PATJ: variants seen among roughly 807,000 people sequenced by gnomAD.
PATJ encodes PATJ crumbs cell polarity complex component, also known as inaD-like protein.
A neutral mutation model predicts 224.9 loss-of-function variants in PATJ; 190 were observed. The observed-to-expected ratio is 0.84, with a 90% CI of 0.75 to 0.95. PATJ has a LOEUF of 0.95. Ranked by LOEUF, PATJ falls within the 40% of genes least tolerant of loss-of-function variation. PATJ has a pLI of 0.00. For synonymous variants in PATJ, 769 were observed against 820.3 expected, an observed-to-expected ratio of 0.94 and a Z score of 1.07; for missense variants, 2,121 against 2,270.3, an observed-to-expected ratio of 0.93 and a Z score of 1.34.
chr1:62,160,039 A>T (rs1292489492), intron 43 of PATJ, among the ~76,000 whole-genome samples: 2 of 152,038 alleles, frequency 1.3e-5, no homozygotes, highest in African/African-American at 4.8e-5. Context: ...TTGGTTGCCC[A>T]CTGAAGTTTG....
intron 41 of PATJ, among the ~76,000 whole-genome samples, chr1:62,141,454 C>G (rs1202288352): frequency 6.6e-6 from 1 of 152,150 alleles, no homozygotes; most frequent in Non-Finnish European, 1.5e-5. Context: ...ATGGCCAGAT[C>G]ACTTGAGGCC....
intron 27 of PATJ, chr1:61,952,548 G>A: frequency 1.5e-6 from 1 of 662,676 alleles, no homozygotes; most frequent in Non-Finnish European, 2.9e-6. Context: ...AAGAGAGCGA[G>A]GGCACATATG....
chr1:62,051,358 G>A (rs1387588458), intron 31 of PATJ, among the ~76,000 whole-genome samples: 1 of 152,118 alleles, frequency 6.6e-6, no homozygotes, highest in African/African-American at 2.4e-5. Context: ...CGCCCAGGCT[G>A]GAGCGCAGTG....
intron 28 of PATJ, among the ~76,000 whole-genome samples, chr1:62,006,314 C>T (rs1291989790): frequency 6.6e-6 from 1 of 152,138 alleles, no homozygotes; most frequent in Non-Finnish European, 1.5e-5. Context: ...CAGGGTTTCA[C>T]CATGTTCCCC....
At chr1:62,059,625 AAAG>A (rs1469199433) in intron 31 of PATJ, among the ~76,000 whole-genome samples, 1 of 152,182 alleles carries the variant, frequency 6.6e-6, no homozygotes, top group Non-Finnish European at 1.5e-5. Context: ...TCAAAAAAAA[AAAG>A]AATTGGTTAG....
chr1:61,910,305 A>G (rs1332636), intron 25 of PATJ, among the ~76,000 whole-genome samples: 103,852 of 152,010 alleles, frequency 0.68, 36,590 homozygotes, highest in East Asian at 1. Context: ...GGATGACACA[A>G]ACAGTGCAAT....
At chr1:62,061,097 TC>T (rs201803772) in intron 31 of PATJ, among the ~76,000 whole-genome samples, 1,690 of 152,220 alleles carry the variant, frequency 0.011, 13 homozygotes, top group Middle Eastern at 0.044. Flanking sequence ...GTGAGCGCAG[TC>T]CCCAGTAGGT....
At chr1:61,743,288 G>C (rs1019381956) in intron 1 of PATJ, among the ~76,000 whole-genome samples, 7 of 152,328 alleles carry the variant, frequency 4.6e-5, no homozygotes, top group South Asian at 2.1e-4. Flanking sequence ...AGCATTTTCA[G>C]ATCACTCCCA....
intron 14 of PATJ, among the ~76,000 whole-genome samples, chr1:61,813,425 A>G (rs1655382920): frequency 1.4e-5 from 2 of 145,400 alleles, no homozygotes; most frequent in East Asian, 2.1e-4. Flanking sequence ...ATTTGTACTC[A>G]GTAACTCTGG....
chr1:61,775,537 G>C (rs1411439507), intron 7 of PATJ, among the ~76,000 whole-genome samples: 8 of 152,054 alleles, frequency 5.3e-5, no homozygotes, highest in African/African-American at 1.4e-4. Flanking sequence ...CATTTTTGGG[G>C]TTTGTTTTGC....
chr1:61,769,238 CT>C, intron 4 of PATJ, 44 bp from the exon 5 acceptor site: 1 of 1,576,180 alleles, frequency 6.3e-7, no homozygotes, highest in Non-Finnish European at 8.6e-7. Context: ...AGTATGTTGG[CT>C]AAATGTACAC....
In PATJ at chr1:61,801,689, A is replaced by T; in HGVS notation, c.1469A>T (p.Asn490Ile). ...ACTGGAGCAGTGGAAACTGAAACTA[A>T]TGTGGATGGTGAAGATGAGGAAATT... ...FLTGAVETET[N>I]VDGEDEEIKE... The change falls in exon 12 of 44, where the codon AAT becomes ATT. Residue 490 changes from asparagine to isoleucine, a missense_variant. Coordinates refer to ENST00000642238, the MANE Select transcript of PATJ (RefSeq NM_001350145.3). 6.2e-7 allele frequency: 1 copy of T among 1,601,514 alleles called. No individual in the cohort carries two copies. Among genetic ancestry groups the T allele is most frequent in the Non-Finnish European group, 8.5e-7 (1 of 1,170,674 alleles).
chr1:61,798,913 A>G (rs1651895056), intron 11 of PATJ, among the ~76,000 whole-genome samples: 1 of 152,130 alleles, frequency 6.6e-6, no homozygotes, highest in Non-Finnish European at 1.5e-5. Flanking sequence ...GACTAGTTGT[A>G]TAACTAGGGA....
intron 29 of PATJ, among the ~76,000 whole-genome samples, chr1:62,020,146 G>T (rs1261768330): frequency 6.6e-6 from 1 of 151,988 alleles, no homozygotes; most frequent in Non-Finnish European, 1.5e-5. Context: ...CTTCAGCTTG[G>T]GCGACAGCAA....
intron 27 of PATJ, among the ~76,000 whole-genome samples, chr1:61,971,224 C>T (rs1463369065): frequency 6.6e-6 from 1 of 152,154 alleles, no homozygotes; most frequent in Non-Finnish European, 1.5e-5. Context: ...AGGTTCTTAA[C>T]CCCAAGTCAT....
chr1:61,860,870 A>G (rs1664428209), intron 18 of PATJ, among the ~76,000 whole-genome samples: 1 of 151,830 alleles, frequency 6.6e-6, no homozygotes, highest in Admixed American at 6.6e-5. Flanking sequence ...GCATGGCATG[A>G]TAATTGTGAA....
intron 27 of PATJ, among the ~76,000 whole-genome samples, chr1:61,977,932 A>G (rs1644232086): frequency 1.3e-5 from 2 of 151,848 alleles, no homozygotes; most frequent in Admixed American, 6.6e-5. Context: ...AAATAAGTTG[A>G]TTGAAATACA....
intron 24 of PATJ, among the ~76,000 whole-genome samples, chr1:61,903,644 T>G (rs1290719727): frequency 1.3e-5 from 2 of 152,184 alleles, no homozygotes; most frequent in Non-Finnish European, 2.9e-5. Context: ...GTGGATTTGT[T>G]GTTGGTGATT....
chr1:61,983,831 T>C (rs1018412439), intron 27 of PATJ, among the ~76,000 whole-genome samples: 1 of 151,976 alleles, frequency 6.6e-6, no homozygotes, highest in Admixed American at 6.6e-5. Context: ...TGAAGACAGA[T>C]GGACAAAACT....
Sources: allele counts gnomAD v4.1 joint callset (sites outside exome capture counted in the v4.1 genomes callset), GRCh38; gene constraint gnomAD v4.1.1; transcripts MANE v1.5; gene names NCBI Gene and HGNC (gene_info 2026-07-23, HGNC 2026-07-21).